The following CACNB4 variants were observed in gnomAD, a reference collection of about 807,000 sequenced individuals.
The protein encoded by CACNB4 is voltage-dependent L-type calcium channel subunit beta-4.
A neutral mutation model predicts 71.2 loss-of-function variants in CACNB4; 32 were observed. That is an observed-to-expected ratio of 0.45 (90% CI 0.34 to 0.60). The LOEUF is 0.60. Among genes scored for constraint, CACNB4 ranks in the 20% least tolerant of loss-of-function variants. The pLI, the probability that CACNB4 is intolerant of heterozygous loss-of-function variation, is 0.01. For missense variants in CACNB4, 464 were observed against 647.9 expected (o/e 0.72, Z 3.08); for synonymous variants, 231 against 236.9 (o/e 0.97, Z 0.23).
At chr2:151,988,946 G>C (rs765626834) in intron 2 of CACNB4, among the ~76,000 whole-genome samples, 5 of 152,040 alleles carry the variant, frequency 3.3e-5, no homozygotes, top group African/African-American at 7.2e-5. Context: ...TTCACCAATC[G>C]CCTCAAGACT....
chr2:151,945,815 TGCAGTGA>T (rs2099865427), intron 2 of CACNB4, among the ~76,000 whole-genome samples: 1 of 150,546 alleles, frequency 6.6e-6, no homozygotes, highest in Non-Finnish European at 1.5e-5. Flanking sequence ...AGTTCAAGGC[TGCAGTGA>T]GCTAAGATTA....
At chr2:151,882,646 C>T (rs931830436) in intron 3 of CACNB4, among the ~76,000 whole-genome samples, 8 of 152,216 alleles carry the variant, frequency 5.3e-5, no homozygotes, top group Admixed American at 6.5e-5. Flanking sequence ...TCTTCTGGTT[C>T]TAACTTTCAA....
At chr2:151,883,105 T>C (rs2099848391) in intron 3 of CACNB4, 146 bp downstream of exon 3, 1 of 744,924 alleles carries the variant, frequency 1.3e-6, no homozygotes. Context: ...CACTTAGAGG[T>C]GAAAGGATCA....
At chr2:151,971,542 T>TA (rs972777905) in intron 2 of CACNB4, 1 of 702,864 alleles carries the variant, frequency 1.4e-6, no homozygotes, top group Non-Finnish European at 2.6e-6. Flanking sequence ...CCCCCACACT[T>TA]ACAGCCATAA....
chr2:152,096,378 G>A (rs904589800), intron 2 of CACNB4, among the ~76,000 whole-genome samples: 12 of 152,110 alleles, frequency 7.9e-5, no homozygotes, highest in Non-Finnish European at 1.6e-4. Flanking sequence ...CAGCTACTCG[G>A]GAGGCTGAGG....
chr2:152,025,364 G>A (rs879332065), intron 2 of CACNB4, among the ~76,000 whole-genome samples: 36 of 152,212 alleles, frequency 2.4e-4, no homozygotes, highest in Non-Finnish European at 4.1e-4. Flanking sequence ...GGTGGAATGA[G>A]AACCAAGAAA....
In CACNB4 at chr2:151,875,527, T is replaced by G. The variant is rs1270232008; in HGVS notation, c.521+899A>C. On this transcript the variant is annotated intron_variant, in intron 5 of 13. Transcript: ENST00000539935. ...TGTTGGGTACACCTCCCAGACGGGG[T>G]GGTGGCCGGGCAGAGGGGCTCCTCA... 8.3e-3 allele frequency among the ~76,000 whole-genome samples: 1,243 copies of G among 149,656 alleles called. 11 individuals are homozygous for G. Among genetic ancestry groups the G allele is most frequent in the African/African-American group, 0.028 (1,155 of 40,544 alleles).
At chr2:152,030,412 A>C (rs1017399379) in intron 2 of CACNB4, among the ~76,000 whole-genome samples, 2 of 152,210 alleles carry the variant, frequency 1.3e-5, no homozygotes, top group Admixed American at 6.5e-5. Flanking sequence ...ATGATCTCAT[A>C]ATTTTAGAAA....
At chr2:151,941,526 C>G (rs1429634847) in intron 2 of CACNB4, among the ~76,000 whole-genome samples, 1 of 151,974 alleles carries the variant, frequency 6.6e-6, no homozygotes, top group Non-Finnish European at 1.5e-5. Flanking sequence ...AGGTGATCCG[C>G]CTACCTCAGC....
chr2:152,026,077 A>G (rs1331369914), intron 2 of CACNB4, among the ~76,000 whole-genome samples: 1 of 152,182 alleles, frequency 6.6e-6, no homozygotes, highest in African/African-American at 2.4e-5. Context: ...GTCACTTGGC[A>G]TGAATGTCCA....
chr2:151,847,011 T>G (rs534742223), intron 12 of CACNB4, among the ~76,000 whole-genome samples: 107 of 152,028 alleles, frequency 7.0e-4, no homozygotes, highest in South Asian at 2.1e-3. Flanking sequence ...GCATTTTTCT[T>G]ATTTCTAAGT....
chr2:151,840,219 A>G (rs2099835818), intron 13 of CACNB4, among the ~76,000 whole-genome samples: 1 of 152,224 alleles, frequency 6.6e-6, no homozygotes, highest in African/African-American at 2.4e-5. Context: ...TCTCATCTAA[A>G]GTACACTCAG....
intron 2 of CACNB4, among the ~76,000 whole-genome samples, chr2:152,029,718 G>T (rs4664074): frequency 0.54 from 82,424 of 151,608 alleles, 24,255 homozygotes; most frequent in East Asian, 0.8. Flanking sequence ...GGTGCTTAGG[G>T]CATGAGGGCA....
rs542281617 is a variant in CACNB4, at chr2:152,081,485, A to T, written c.147+16845T>A. On this transcript the variant is annotated intron_variant, in intron 2 of 13. Coordinates refer to ENST00000539935, the MANE Select transcript of CACNB4 (RefSeq NM_000726.5). The stretch of plus-strand genomic sequence containing the variant: ...TGGGTAACACAGCAAGACCCTGTCA[A>T]TAAAAAAGAAAAAGAAAAAAAAAAG... Among the ~76,000 whole-genome samples the T allele has an allele frequency of 1.8e-4, 27 of 152,184 alleles. No individual in the cohort carries two copies. The South Asian group carries it at 5.6e-3, about 32-fold the overall frequency.
intron 2 of CACNB4, among the ~76,000 whole-genome samples, chr2:151,941,508 C>T (rs1578890510): frequency 6.6e-6 from 1 of 151,886 alleles, no homozygotes; most frequent in Non-Finnish European, 1.5e-5. Flanking sequence ...TCTTGAACTC[C>T]TGACCTCAGG....
intron 2 of CACNB4, among the ~76,000 whole-genome samples, chr2:152,082,325 G>A (rs1687401983): frequency 6.6e-6 from 1 of 152,122 alleles, no homozygotes; most frequent in African/African-American, 2.4e-5. Context: ...TCCAATATTT[G>A]ATACTGAATG....
At chr2:152,087,685 C>T (rs991557189) in intron 2 of CACNB4, among the ~76,000 whole-genome samples, 1 of 151,872 alleles carries the variant, frequency 6.6e-6, no homozygotes, top group African/African-American at 2.4e-5. Flanking sequence ...AGATTTGAGC[C>T]TTGGCAACAT....
intron 2 of CACNB4, among the ~76,000 whole-genome samples, chr2:152,044,442 A>G (rs1685038743): frequency 6.6e-6 from 1 of 151,908 alleles, no homozygotes; most frequent in Non-Finnish European, 1.5e-5. Flanking sequence ...CTGGTCTGGA[A>G]CTCCTGACCT....
chr2:152,042,046 C>G (rs1684900815), intron 2 of CACNB4, among the ~76,000 whole-genome samples: 1 of 152,192 alleles, frequency 6.6e-6, no homozygotes, highest in Non-Finnish European at 1.5e-5. Context: ...CACTTCTAGC[C>G]AAACCTCACC....
Sources: allele counts gnomAD v4.1 joint callset (sites outside exome capture counted in the v4.1 genomes callset), GRCh38; gene constraint gnomAD v4.1.1; transcripts MANE v1.5; gene names NCBI Gene and HGNC (gene_info 2026-07-23, HGNC 2026-07-21).